RARA: variants seen among roughly 807,000 people sequenced by gnomAD.
The protein encoded by RARA is retinoic acid receptor alpha, also known as PML-DDX5-RARA fusion.
Under a neutral mutation model 42.8 loss-of-function variants are expected in RARA, and 5 were observed. The observed-to-expected ratio is 0.12, with a 90% CI of 0.06 to 0.25. The LOEUF is 0.25. Ranked by LOEUF, RARA falls within the 10% of genes least tolerant of loss-of-function variation. The pLI is 1.00. For synonymous variants in RARA, 256 were observed against 259.5 expected (o/e 0.99, Z 0.13); for missense variants, 402 against 628.7 (o/e 0.64, Z 3.86).
At chr17:40,341,791 A>T (rs916803986) in intron 2 of RARA, 2 of 1,261,520 alleles carry the variant, frequency 1.6e-6, no homozygotes, top group African/African-American at 3.2e-5. Flanking sequence ...TCGCTCGGCC[A>T]GGGACTGACC....
chr17:40,336,008 AAAC>A lies in RARA; in HGVS notation c.178+4622_178+4624del, dbSNP rs140530780. On this transcript the variant is annotated intron_variant, in intron 2 of 8. Coordinates refer to ENST00000254066, the MANE Select transcript of RARA (RefSeq NM_000964.4). ...GTGACAGAGCAAGACCCTGTCTCAA[AAAC>A]AACAACAACTTGGACATTTATGTCA... Among the ~76,000 whole-genome samples the A allele has an allele frequency of 3.5e-3, 529 of 152,328 alleles. 2 individuals carry two copies. The highest frequency in any genetic ancestry group is 0.027 in the Middle Eastern group (8 of 294).
chr17:40,350,195 C>T (rs538856032), intron 4 of RARA: 16 of 478,484 alleles, frequency 3.3e-5, no homozygotes, highest in African/African-American at 5.9e-5. Context: ...TGTGTGCTTG[C>T]GTATGTGTGT....
At chr17:40,316,309 C>T (rs1480433088) in intron 1 of RARA, among the ~76,000 whole-genome samples, 1 of 152,176 alleles carries the variant, frequency 6.6e-6, no homozygotes, top group Non-Finnish European at 1.5e-5. Flanking sequence ...AGAAGTGTGC[C>T]CCACCCTCTG....
At chr17:40,328,115 C>T (rs1189675917) in intron 1 of RARA, among the ~76,000 whole-genome samples, 1 of 152,172 alleles carries the variant, frequency 6.6e-6, no homozygotes, top group East Asian at 1.9e-4. Flanking sequence ...TGTCCCCTCC[C>T]ACCCTCTCTC....
intron 2 of RARA, chr17:40,342,923 T>G (rs1303210828): frequency 9.6e-6 from 15 of 1,560,582 alleles, no homozygotes; most frequent in Non-Finnish European, 1.3e-5. Context: ...GCGGTAGGGC[T>G]TCCACTACTA....
Position 40,338,600 on chromosome 17 carries a change from C to T in RARA, c.178+7204C>T, listed in dbSNP as rs529347423. On this transcript the variant is annotated intron_variant, in intron 2 of 8. Transcript: ENST00000254066. Reference sequence around the variant, plus strand: ...GCTCACACCTATAATCCCAGCTACTCGGGAGGCTGAGGCAGGAGAATCACT... The same window carrying T: ...GCTCACACCTATAATCCCAGCTACTTGGGAGGCTGAGGCAGGAGAATCACT... Among the ~76,000 whole-genome samples, 125 of 148,154 alleles carry T rather than the reference C, an allele frequency of 8.4e-4. 1 individual carries two copies. The highest frequency in any genetic ancestry group is 2.9e-3 in the African/African-American group (116 of 39,836).
At chr17:40,338,919 G>A (rs2033940231) in intron 2 of RARA, among the ~76,000 whole-genome samples, 3 of 152,174 alleles carry the variant, frequency 2.0e-5, no homozygotes, top group Admixed American at 2.0e-4. Flanking sequence ...TTGGGAGGCT[G>A]AGGCATGAGA....
chr17:40,324,601 G>C (rs1282732322), intron 1 of RARA, among the ~76,000 whole-genome samples: 2 of 152,154 alleles, frequency 1.3e-5, no homozygotes, highest in African/African-American at 2.4e-5. Flanking sequence ...CCAGTCACTG[G>C]TGAGATTATG....
At position 40,354,587 on chromosome 17, in the gene RARA, C is replaced by T; in HGVS notation, c.1012+81C>T. On this transcript the variant is annotated intron_variant, in intron 7 of 8. Coordinates refer to ENST00000254066, the MANE Select transcript of RARA (RefSeq NM_000964.4). The surrounding 1 kb of genome is among the most constrained non-coding windows in gnomAD (Gnocchi z 4.5). ...GTCTCTTCCAGGGAGCTCTTTCAGG[C>T]CACCTCTGTTAGGTATCTCTAGAGG... 1 of 1,485,788 alleles carries T rather than the reference C, an allele frequency of 6.7e-7. No individual in the cohort carries two copies. Among genetic ancestry groups the T allele is most frequent in the Non-Finnish European group, 9.2e-7 (1 of 1,091,646 alleles). The allele number at this position is 1,485,788 out of a possible 1,614,324, so 92.0% of individuals were successfully genotyped here. A position where few individuals can be genotyped will look rare whatever the true frequency, so the allele number is the denominator to read the frequency against.
intron 2 of RARA, among the ~76,000 whole-genome samples, chr17:40,333,863 C>T (rs577885817): frequency 6.6e-6 from 1 of 152,270 alleles, no homozygotes; most frequent in South Asian, 2.1e-4. Flanking sequence ...TCTCAAACTC[C>T]TGAGCTCAAG....
At chr17:40,342,476 C>T in intron 2 of RARA, 4 of 1,246,514 alleles carry the variant, frequency 3.2e-6, no homozygotes, top group Non-Finnish European at 4.0e-6. Context: ...GACGGACCCC[C>T]CCTCCCAGCA....
chr17:40,350,707 G>A (rs568723436), intron 4 of RARA, among the ~76,000 whole-genome samples: 5 of 152,020 alleles, frequency 3.3e-5, no homozygotes, highest in Non-Finnish European at 7.4e-5. Context: ...GCAGTGGGGA[G>A]GGGGCACGGG....
At chr17:40,335,358 TG>T (rs1402539348) in intron 2 of RARA, among the ~76,000 whole-genome samples, 1 of 152,004 alleles carries the variant, frequency 6.6e-6, no homozygotes, top group East Asian at 1.9e-4. Flanking sequence ...GGGGTCTGAC[TG>T]GGGGCTGTGG....
chr17:40,314,175 G>A (rs1490535659), intron 1 of RARA, among the ~76,000 whole-genome samples: 1 of 148,576 alleles, frequency 6.7e-6, no homozygotes, highest in Non-Finnish European at 1.5e-5. Context: ...GGATATGGCG[G>A]GTGGAGGGGT....
intron 2 of RARA, chr17:40,342,530 G>T: frequency 3.8e-6 from 5 of 1,319,138 alleles, no homozygotes; most frequent in Non-Finnish European, 3.9e-6. Flanking sequence ...GGAGCGGCCG[G>T]CGGACTTAGA....
In RARA at chr17:40,319,773, G is replaced by A. The variant is rs368986136; in HGVS notation, c.-363+10487G>A. 2.9e-4 allele frequency among the ~76,000 whole-genome samples: 44 copies of A among 152,314 alleles called. No individual in the cohort carries two copies. The South Asian group carries it at 3.5e-3, about 12-fold the overall frequency. ...GAAGAGGCTGTGCCGGGGAAGCCCC[G>A]GGTTGGAGTGGGGGTGGCTTGGAGC... is the stretch of plus-strand genomic sequence containing the variant. On this transcript the variant is annotated intron_variant, in intron 1 of 8. Transcript: ENST00000254066.
Position 40,356,607 on chromosome 17 carries a change from T to C in RARA, c.*381T>C, listed in dbSNP as rs1252673102. On this transcript the variant is annotated 3_prime_UTR_variant, in exon 9 of 9. Transcript: ENST00000254066. ...CCCATCCTCAGAACTCACAAGCCAT[T>C]GCTCCCCAGCTGGGGAACCTCAACC... The C allele has an allele frequency of 1.9e-6, 1 of 533,560 alleles. No homozygotes were observed. Among genetic ancestry groups the C allele is most frequent in the Non-Finnish European group, 3.6e-6 (1 of 276,424 alleles). 33.1% of individuals were successfully genotyped at this position (533,560 alleles called of 1,614,324 possible). A position where few individuals can be genotyped will look rare whatever the true frequency, so the allele number is the denominator to read the frequency against.
chr17:40,323,354 C>T (rs1443692913), intron 1 of RARA: 1 of 152,302 alleles, frequency 6.6e-6, no homozygotes, highest in African/African-American at 2.4e-5. Context: ...TGCTCCCTAT[C>T]TGTCCTCATA....
Position 40,351,621 on chromosome 17 carries a change from GA to G in RARA, c.470-288del. The stretch of plus-strand genomic sequence containing the variant: ...GTCGCCTGGAGTGTGAGCTGGAGTA[GA>G]CGCGTGGGGGATAGCATGCGGCTGG... On this transcript the variant is annotated intron_variant, in intron 4 of 8. Coordinates refer to ENST00000254066, the MANE Select transcript of RARA (RefSeq NM_000964.4). This position sits in a 1 kb window ranked among gnomAD's most constrained non-coding sequence, Gnocchi z 4.1. 2.0e-6 allele frequency: 1 copy of G among 507,564 alleles called. No individual in the cohort carries two copies. Among genetic ancestry groups the G allele is most frequent in the South Asian group, 1.8e-5 (1 of 54,706 alleles). 31.4% of individuals were successfully genotyped at this position (507,564 alleles called of 1,614,324 possible). A position where few individuals can be genotyped will look rare whatever the true frequency, so the allele number is the denominator to read the frequency against.
Sources: gnomAD v4.1 joint callset for allele counts (sites outside exome capture counted in the v4.1 genomes callset) on GRCh38, gnomAD v4.1.1 for gene constraint, Gnocchi (gnomAD v3.1) non-coding constraint, MANE v1.5 for transcripts, NCBI Gene and HGNC (gene_info 2026-07-23, HGNC 2026-07-21) for gene names.